HESX1: variants seen among roughly 807,000 people sequenced by gnomAD.
The protein encoded by HESX1 is HESX homeobox 1, also known as homeobox expressed in ES cells 1.
HESX1 carries 11 observed loss-of-function variants against 22.5 expected under a neutral mutation model. That is an observed-to-expected ratio of 0.49 (90% CI 0.31 to 0.81). The LOEUF (loss-of-function observed/expected upper bound fraction) is 0.81, where lower values mean the gene tolerates loss of function less well. Among genes scored for constraint, HESX1 ranks in the 30% least tolerant of loss-of-function variants. The probability of loss-of-function intolerance (pLI) is 0.05; values close to 1 mark genes in which losing one functional copy is unlikely to be tolerated. For synonymous variants in HESX1, 74 were observed against 76.5 expected (o/e 0.97, Z 0.17); for missense variants, 201 against 212.6 (o/e 0.95, Z 0.34).
intron 1 of HESX1, among the ~76,000 whole-genome samples, chr3:57,222,590 G>C (rs1224219137): frequency 1.3e-5 from 2 of 152,128 alleles, no homozygotes; most frequent in African/African-American, 4.8e-5. Context: ...TGATTTGACT[G>C]TTCCTTCCAG....
upstream of HESX1, among the ~76,000 whole-genome samples, chr3:57,202,019 C>T (rs950695296): frequency 9.3e-5 from 14 of 150,544 alleles, no homozygotes; most frequent in African/African-American, 2.0e-4. Flanking sequence ...CCCGGGTTCA[C>T]GCCATTCTCC....
At chr3:57,203,202 T>G (rs1426452510), upstream of HESX1, among the ~76,000 whole-genome samples, 1 of 152,162 alleles carries the variant, frequency 6.6e-6, no homozygotes, top group Non-Finnish European at 1.5e-5. Flanking sequence ...GTTGGGGAGT[T>G]ATTTATTCAA....
intron 1 of HESX1, among the ~76,000 whole-genome samples, chr3:57,221,328 CT>C (rs1234852604): frequency 3.3e-5 from 5 of 150,876 alleles, no homozygotes; most frequent in East Asian, 3.9e-4. Flanking sequence ...CAATTAAAAA[CT>C]TTTTTTTTGT....
At chr3:57,202,673 C>G (rs1357314656), upstream of HESX1, among the ~76,000 whole-genome samples, 1 of 152,096 alleles carries the variant, frequency 6.6e-6, no homozygotes, top group African/African-American at 2.4e-5. Context: ...TAATATGTGC[C>G]AGACATTATT....
upstream of HESX1, among the ~76,000 whole-genome samples, chr3:57,200,646 C>T (rs2060480536): frequency 6.6e-6 from 1 of 152,122 alleles, no homozygotes; most frequent in Non-Finnish European, 1.5e-5. Flanking sequence ...GGGCTAATTC[C>T]TTTCCTTCCT....
chr3:57,198,343 ATTC>A lies in HESX1; in HGVS notation c.459+45_459+47del, dbSNP rs760082717. ...TAGGTCTCAGAAACATTATTTTATT[ATTC>A]TTAACATTTCAACATCATGAATAAC... On this transcript the variant is annotated intron_variant, in intron 3 of 3. Coordinates refer to ENST00000295934, the MANE Select transcript of HESX1 (RefSeq NM_003865.3). 2.6e-5 allele frequency: 40 copies of A among 1,549,360 alleles called. No homozygotes were observed. The Middle Eastern group carries it at 5.1e-4, about 20-fold the overall frequency.
At chr3:57,211,871 G>C (rs139570034) in intron 1 of HESX1, among the ~76,000 whole-genome samples, 1 of 151,720 alleles carries the variant, frequency 6.6e-6, no homozygotes, top group Non-Finnish European at 1.5e-5. Flanking sequence ...TAAAAATCTC[G>C]AGTCATGTTG....
chr3:57,199,199 CAG>C (rs1046693205), intron 1 of HESX1, among the ~76,000 whole-genome samples: 6 of 152,144 alleles, frequency 3.9e-5, no homozygotes, highest in Non-Finnish European at 7.4e-5. Context: ...ATGTGTCAAA[CAG>C]GGAGAGATCT....
At chr3:57,220,846 C>T (rs1447259956) in intron 1 of HESX1, among the ~76,000 whole-genome samples, 2 of 152,158 alleles carry the variant, frequency 1.3e-5, no homozygotes, top group African/African-American at 4.8e-5. Context: ...AGCCAAAGTC[C>T]TCATAGTGGG....
At chr3:57,208,313 A>G (rs566575513) in intron 1 of HESX1, among the ~76,000 whole-genome samples, 92 of 151,900 alleles carry the variant, frequency 6.1e-4, no homozygotes, top group African/African-American at 1.9e-3. Flanking sequence ...TGTATGCTAA[A>G]GAGTTTAAGA....
At chr3:57,203,564 T>G (rs1414102796), upstream of HESX1, among the ~76,000 whole-genome samples, 1 of 150,494 alleles carries the variant, frequency 6.6e-6, no homozygotes, top group African/African-American at 2.4e-5. Context: ...TTTGTTTTTG[T>G]TTTTTTTTGA....
At position 57,198,803 on chromosome 3, in the gene HESX1, A is replaced by G. The variant is rs1242365358; in HGVS notation, c.307T>C (p.Leu103=). The change falls in exon 2 of 4, where the codon TTG becomes CTG. Residue 103 remains leucine, a synonymous_variant. Coordinates refer to ENST00000295934, the MANE Select transcript of HESX1 (RefSeq NM_003865.3). The part of the protein sequence containing the change: ...ASERLSLKRE[L]SWYRGRRPRT... ...GGTCTTCGGCCTCTATACCAACTCA[A>G]CTCTCTTTTCAAAGACAGTCTTTCT... The G allele has an allele frequency of 1.2e-6, 2 of 1,613,664 alleles. No individual in the cohort carries two copies. The highest frequency in any genetic ancestry group is 2.2e-5 in the East Asian group (1 of 44,862).
At chr3:57,208,220 T>A (rs183261536) in intron 1 of HESX1, among the ~76,000 whole-genome samples, 1 of 152,184 alleles carries the variant, frequency 6.6e-6, no homozygotes, top group Non-Finnish European at 1.5e-5. Flanking sequence ...TCAGTACTCA[T>A]TGATTGGTAC....
intron 1 of HESX1, among the ~76,000 whole-genome samples, chr3:57,220,448 GAGAC>G (rs2060609660): frequency 1.3e-5 from 2 of 151,982 alleles, no homozygotes; most frequent in South Asian, 4.1e-4. Flanking sequence ...TTATTTTTCT[GAGAC>G]AGATTCTCAC....
upstream of HESX1, among the ~76,000 whole-genome samples, chr3:57,203,299 CG>C (rs141793651): frequency 1.0e-3 from 154 of 152,004 alleles, 2 homozygotes; most frequent in East Asian, 7.0e-3. Context: ...AATTGTTTAG[CG>C]GCAAAAGATG....
At chr3:57,200,015 C>A (rs780627857), upstream of HESX1, 2 of 1,050,302 alleles carry the variant, frequency 1.9e-6, no homozygotes, top group East Asian at 4.8e-5. Flanking sequence ...CTTATAGCTC[C>A]GCTGACAAGG....
intron 1 of HESX1, among the ~76,000 whole-genome samples, chr3:57,207,663 A>G (rs905139337): frequency 6.6e-6 from 1 of 152,232 alleles, no homozygotes; most frequent in African/African-American, 2.4e-5. Context: ...GGGAGTTAAC[A>G]ACAACAGATT....
intron 1 of HESX1, among the ~76,000 whole-genome samples, chr3:57,206,611 G>A (rs936579355): frequency 6.6e-6 from 1 of 152,206 alleles, no homozygotes; most frequent in African/African-American, 2.4e-5. Flanking sequence ...TGCGAGCAGT[G>A]ATCAGTAACC....
At chr3:57,223,897 G>A (rs552740322) in intron 1 of HESX1, among the ~76,000 whole-genome samples, 1 of 152,310 alleles carries the variant, frequency 6.6e-6, no homozygotes, top group African/African-American at 2.4e-5. Context: ...TGAGTAGGTG[G>A]TTTCCAGCTC....
Sources: gnomAD v4.1 joint callset for allele counts (sites outside exome capture counted in the v4.1 genomes callset) on GRCh38, gnomAD v4.1.1 for gene constraint, MANE v1.5 for transcripts, NCBI Gene and HGNC (gene_info 2026-07-23, HGNC 2026-07-21) for gene names.